The following PARVA variants were observed in gnomAD, a reference collection of about 807,000 sequenced individuals.
PARVA encodes the protein parvin alpha.
In PARVA, 25 loss-of-function variants were observed where a neutral mutation model predicts 52.6. The ratio of observed to expected loss-of-function variants is 0.48; its 90% CI spans 0.35 to 0.66. The LOEUF (loss-of-function observed/expected upper bound fraction) is 0.66. Ranked by LOEUF, PARVA falls within the 30% of genes least tolerant of loss-of-function variation. PARVA has a pLI of 0.01. For missense variants in PARVA, 373 were observed against 450.9 expected (o/e 0.83, Z 1.56); for synonymous variants, 185 against 179.1 (o/e 1.03, Z -0.26).
rs1941761765 is a variant in PARVA at position 12,530,696 on chromosome 11, C to T, written c.*2771C>T. The T allele has an allele frequency of 1.4e-5, 2 of 146,334 alleles. No homozygotes were observed. The highest frequency in any genetic ancestry group is 2.1e-4 in the East Asian group (1 of 4,862). 9.1% of individuals were successfully genotyped at this position (146,334 alleles called of 1,614,324 possible). ...GCTTCAAAAAATATAAGTAGGATGT[C>T]ATCTATACTGTCATACACTTTGTTT... is the stretch of plus-strand genomic sequence containing the variant. On this transcript the variant is annotated 3_prime_UTR_variant, in exon 13 of 13. Coordinates refer to ENST00000334956, the MANE Select transcript of PARVA (RefSeq NM_018222.5).
chr11:12,517,782 G>C (rs1446383826), intron 11 of PARVA, 71 bp downstream of exon 11: 1 of 1,068,694 alleles, frequency 9.4e-7, no homozygotes, highest in East Asian at 2.6e-5. Flanking sequence ...CACCCATGCT[G>C]GGGCTATCCA....
chr11:12,456,943 C>T (rs543028428), intron 1 of PARVA, among the ~76,000 whole-genome samples: 1 of 152,212 alleles, frequency 6.6e-6, no homozygotes, highest in Admixed American at 6.5e-5. Context: ...CCAGCTACCC[C>T]ACACTTGCTC....
At chr11:12,461,419 T>C (rs192061980) in intron 1 of PARVA, among the ~76,000 whole-genome samples, 1 of 152,294 alleles carries the variant, frequency 6.6e-6, no homozygotes, top group East Asian at 1.9e-4. Flanking sequence ...CTTCTCTAAG[T>C]AGGAGCAGAC....
intron 7 of PARVA, among the ~76,000 whole-genome samples, chr11:12,509,341 A>G (rs779953609): frequency 2.0e-5 from 3 of 152,116 alleles, no homozygotes; most frequent in Non-Finnish European, 2.9e-5. Context: ...AGCCAACCCA[A>G]CTTGAGTTCA....
intron 5 of PARVA, among the ~76,000 whole-genome samples, chr11:12,502,409 C>G (rs940765781): frequency 7.2e-6 from 1 of 138,882 alleles, no homozygotes; most frequent in Non-Finnish European, 1.6e-5. Context: ...ACAAAATAGG[C>G]ATTTTTTTTT....
At chr11:12,428,486 A>C (rs1940269660) in intron 1 of PARVA, among the ~76,000 whole-genome samples, 1 of 152,248 alleles carries the variant, frequency 6.6e-6, no homozygotes, top group Non-Finnish European at 1.5e-5. Context: ...CCCAGTCTCA[A>C]GTCACTATCT....
rs1380929773 is a variant in PARVA, at chr11:12,531,924, A to G, written c.*3999A>G. Among the ~76,000 whole-genome samples, 2 of 152,128 alleles carry G rather than the reference A, an allele frequency of 1.3e-5. No homozygotes were observed. Among genetic ancestry groups the G allele is most frequent in the African/African-American group, 4.8e-5 (2 of 41,422 alleles). Reference sequence around the variant, plus strand: ...ACTTGCAGATTTGGGTCTTACCAAAAGAAAAGTCAGTATGAGTTACTCACA... The same window carrying G: ...ACTTGCAGATTTGGGTCTTACCAAAGGAAAAGTCAGTATGAGTTACTCACA... On this transcript the variant is annotated 3_prime_UTR_variant, in exon 13 of 13. Coordinates refer to ENST00000334956, the MANE Select transcript of PARVA (RefSeq NM_018222.5).
chr11:12,487,312 T>C (rs907186477), intron 4 of PARVA, among the ~76,000 whole-genome samples: 17 of 152,196 alleles, frequency 1.1e-4, no homozygotes, highest in African/African-American at 3.9e-4. Context: ...GAAGCAGGAA[T>C]GAAGAAACAG....
chr11:12,384,465 TAAAC>T (rs1426587830), intron 1 of PARVA, among the ~76,000 whole-genome samples: 7 of 152,196 alleles, frequency 4.6e-5, no homozygotes, highest in Non-Finnish European at 8.8e-5. Context: ...AGACAGGTAA[TAAAC>T]AAGATAAATT....
chr11:12,388,905 T>A (rs992584224), intron 1 of PARVA, among the ~76,000 whole-genome samples: 10 of 152,146 alleles, frequency 6.6e-5, no homozygotes, highest in Admixed American at 1.3e-4. Context: ...AAAGCTTTTT[T>A]AAAAAAATTC....
intron 3 of PARVA, among the ~76,000 whole-genome samples, chr11:12,474,757 TAGCCA>T (rs1413521802): frequency 2.1e-4 from 32 of 151,500 alleles, no homozygotes; most frequent in African/African-American, 7.3e-4. Flanking sequence ...ATACAAAAAG[TAGCCA>T]AGTGTGGTGG....
At position 12,518,348 on chromosome 11, in the gene PARVA, C is replaced by T. The variant is rs965657246; in HGVS notation, c.970-97C>T. 4.7e-6 allele frequency: 4 copies of T among 858,566 alleles called. No individual in the cohort carries two copies. The African/African-American group carries it at 5.0e-5, about 11-fold the overall frequency. 53.2% of individuals were successfully genotyped at this position (858,566 alleles called of 1,614,324 possible). On this transcript the variant is annotated intron_variant, in intron 11 of 12. Coordinates refer to ENST00000334956, the MANE Select transcript of PARVA (RefSeq NM_018222.5). Reference sequence around the variant, plus strand: ...CCTTGAAATTAGTTCAGCCTCTGTCCCTCTGGCTACAGTGCTGGGCTCCTT... The same window carrying T: ...CCTTGAAATTAGTTCAGCCTCTGTCTCTCTGGCTACAGTGCTGGGCTCCTT...
In PARVA at chr11:12,507,306, C is replaced by T. The variant is rs528581001; in HGVS notation, c.658-1278C>T. On this transcript the variant is annotated intron_variant, in intron 6 of 12. Coordinates refer to ENST00000334956, the MANE Select transcript of PARVA (RefSeq NM_018222.5). ...GGGAAGATGCATTTGCTTGGTCAAT[C>T]GCTTGCTATGTCACAGCATCCTCCA... is the stretch of plus-strand genomic sequence containing the variant. Among the ~76,000 whole-genome samples the T allele has an allele frequency of 1.1e-4, 16 of 152,274 alleles. No individual in the cohort carries two copies. In the East Asian group the frequency reaches 2.3e-3, roughly 22 times the overall value.
chr11:12,480,951 CTCTG>C (rs1941078615), intron 4 of PARVA: 1 of 152,056 alleles, frequency 6.6e-6, no homozygotes, highest in Non-Finnish European at 1.5e-5. Flanking sequence ...TGAGTGAGCA[CTCTG>C]ACCTTACGTT....
At chr11:12,501,859 G>A (rs567170475) in intron 5 of PARVA, among the ~76,000 whole-genome samples, 4 of 151,256 alleles carry the variant, frequency 2.6e-5, no homozygotes, top group African/African-American at 7.3e-5. Flanking sequence ...AGACAATGGA[G>A]ATGGTGTACA....
At chr11:12,467,831 C>T (rs1230263771) in intron 1 of PARVA, among the ~76,000 whole-genome samples, 1 of 152,134 alleles carries the variant, frequency 6.6e-6, no homozygotes, top group Admixed American at 6.6e-5. Context: ...ATACAGTGGG[C>T]GTGGTTCAGG....
rs1941627314 is a variant in PARVA, at chr11:12,520,830, T to TG, written c.1042+2315dup. 2.6e-5 allele frequency among the ~76,000 whole-genome samples: 4 copies of TG among 152,124 alleles called. No homozygotes were observed. In the South Asian group the frequency reaches 8.3e-4, roughly 32 times the overall value. ...AGCCAGGTGTAGTGGTGCATGCCTG[T>TG]GGTCCCAGCTCCTCGGGAGGCTGAG... On this transcript the variant is annotated intron_variant, in intron 12 of 12. Coordinates refer to ENST00000334956, the MANE Select transcript of PARVA (RefSeq NM_018222.5).
At chr11:12,487,314 A>C (rs1010575075) in intron 4 of PARVA, among the ~76,000 whole-genome samples, 1 of 152,208 alleles carries the variant, frequency 6.6e-6, no homozygotes, top group African/African-American at 2.4e-5. Context: ...AGCAGGAATG[A>C]AGAAACAGGA....
rs181639560 is a variant in PARVA at position 12,440,823 on chromosome 11, C to T, written c.137-32922C>T. Among the ~76,000 whole-genome samples, 213 of 152,350 alleles carry T rather than the reference C, an allele frequency of 1.4e-3. 2 individuals carry two copies. Among genetic ancestry groups the T allele is most frequent in the Non-Finnish European group, 6.0e-4 (41 of 68,034 alleles). On this transcript the variant is annotated intron_variant, in intron 1 of 12. Transcript: ENST00000334956. Reference sequence around the variant, plus strand: ...AGAGAATCACCTACAAAACGAATCCCTCTCATACTAAGTCTCTCCGACTTC... The same window carrying T: ...AGAGAATCACCTACAAAACGAATCCTTCTCATACTAAGTCTCTCCGACTTC...
Sources: allele counts gnomAD v4.1 joint callset (sites outside exome capture counted in the v4.1 genomes callset), GRCh38; gene constraint gnomAD v4.1.1; transcripts MANE v1.5; gene names NCBI Gene and HGNC (gene_info 2026-07-23, HGNC 2026-07-21).